Variants in SMAGP observed in about 807,000 individuals in gnomAD.
SMAGP encodes small cell transmembrane and glycosylated protein.
Under a neutral mutation model 10.1 loss-of-function variants are expected in SMAGP, and 7 were observed. The ratio of observed to expected loss-of-function variants is 0.70; its 90% CI spans 0.40 to 1.31. The LOEUF (loss-of-function observed/expected upper bound fraction) is 1.31, where lower values mean the gene tolerates loss of function less well. Among genes scored for constraint, SMAGP ranks in the 50% most tolerant of loss-of-function variants. The probability of loss-of-function intolerance (pLI) is 0.01; values close to 1 mark genes in which losing one functional copy is unlikely to be tolerated. For missense variants in SMAGP, 113 were observed against 116.5 expected, an observed-to-expected ratio of 0.97 and a Z score of 0.14; for synonymous variants, 49 against 47.2, an observed-to-expected ratio of 1.04 and a Z score of -0.16.
intron 2 of SMAGP, among the ~76,000 whole-genome samples, chr12:51,258,608 A>G (rs1339037505): frequency 6.6e-6 from 1 of 151,612 alleles, no homozygotes; most frequent in Non-Finnish European, 1.5e-5. Flanking sequence ...AAAAAAAGAA[A>G]GAAAAGAAAA....
chr12:51,250,308 G>A (rs1480624977), intron 2 of SMAGP, among the ~76,000 whole-genome samples: 1 of 152,010 alleles, frequency 6.6e-6, no homozygotes, highest in Non-Finnish European at 1.5e-5. Flanking sequence ...CTTGAGCCCA[G>A]GGGGTTAAGC....
chr12:51,244,999 A>T lies in SMAGP; in HGVS notation c.*942T>A, dbSNP rs2137074. On this transcript the variant is annotated 3_prime_UTR_variant, in exon 4 of 4. Transcript: ENST00000603798. ...GCCACCACGCCCAGCTATTTTTTTT[A>T]TATATTTTTAGTAGAGACGGGGTTT... 117,516 of 150,374 alleles carry T rather than the reference A, an allele frequency of 0.78. 45,979 individuals are homozygous for T. The highest frequency in any genetic ancestry group is 0.89 in the East Asian group (4,562 of 5,104). The allele number at this position is 150,374 out of a possible 1,614,324, so 9.3% of individuals were successfully genotyped here.
intron 2 of SMAGP, among the ~76,000 whole-genome samples, chr12:51,263,957 T>C (rs910304379): frequency 1.3e-5 from 2 of 152,114 alleles, no homozygotes; most frequent in Admixed American, 6.5e-5. Context: ...TATTATATTA[T>C]ATTCTTCCTT....
Position 51,252,747 on chromosome 12 carries a change from C to G in SMAGP, c.35-5916G>C, listed in dbSNP as rs76507332. ...CAAGAACAAAGAAAAAGCTAGGCTT[C>G]TTTGGGCCTGAGGGGTCAGGTTGGA... On this transcript the variant is annotated intron_variant, in intron 2 of 3. Coordinates refer to ENST00000603798, the MANE Select transcript of SMAGP (RefSeq NM_001031628.2). Among the ~76,000 whole-genome samples the G allele has an allele frequency of 0.013, 2,024 of 152,196 alleles. 82 individuals carry two copies. The East Asian group carries it at 0.14, about 11-fold the overall frequency.
chr12:51,262,551 G>A (rs1383775314), intron 2 of SMAGP, among the ~76,000 whole-genome samples: 1 of 152,010 alleles, frequency 6.6e-6, no homozygotes, highest in African/African-American at 2.4e-5. Flanking sequence ...AGGAGGAAAT[G>A]GCTTATAGCT....
intron 2 of SMAGP, among the ~76,000 whole-genome samples, chr12:51,250,745 T>C (rs1175947907): frequency 6.6e-6 from 1 of 152,178 alleles, no homozygotes; most frequent in Non-Finnish European, 1.5e-5. Context: ...TGGCTCACAA[T>C]GATTTCTGCC....
chr12:51,264,486 C>T (rs753241198), intron 2 of SMAGP, among the ~76,000 whole-genome samples: 70 of 152,158 alleles, frequency 4.6e-4, no homozygotes, highest in Middle Eastern at 6.8e-3. Context: ...ATTAGCTGGG[C>T]GTGATGGTGC....
intron 2 of SMAGP, among the ~76,000 whole-genome samples, chr12:51,264,421 C>T (rs1287641466): frequency 1.3e-5 from 2 of 151,990 alleles, no homozygotes; most frequent in African/African-American, 2.4e-5. Flanking sequence ...GGCTTCAGGC[C>T]GGGAGAGTTG....
chr12:51,248,399 T>TACACACACAC (rs71443213), intron 2 of SMAGP, among the ~76,000 whole-genome samples: 14 of 132,382 alleles, frequency 1.1e-4, no homozygotes, highest in African/African-American at 3.6e-4. Flanking sequence ...TGTGGTGTTT[T>TACACACACAC]ACACACACAC....
intron 2 of SMAGP, among the ~76,000 whole-genome samples, chr12:51,247,665 G>C (rs1455363977): frequency 6.6e-6 from 1 of 152,174 alleles, no homozygotes; most frequent in Non-Finnish European, 1.5e-5. Flanking sequence ...GCAGGATAGA[G>C]GTCTCCTGGG....
chr12:51,247,991 C>T (rs1292613127), intron 2 of SMAGP, among the ~76,000 whole-genome samples: 2 of 152,112 alleles, frequency 1.3e-5, no homozygotes, highest in Admixed American at 6.6e-5. Flanking sequence ...AAGAGTTTAC[C>T]GGGTAACAGG....
intron 2 of SMAGP, among the ~76,000 whole-genome samples, chr12:51,263,922 A>C (rs1288038208): frequency 6.6e-6 from 1 of 152,044 alleles, no homozygotes; most frequent in Non-Finnish European, 1.5e-5. Flanking sequence ...TATGCCATTC[A>C]ATTACTAATT....
intron 2 of SMAGP, among the ~76,000 whole-genome samples, chr12:51,267,602 T>TC (rs1944987695): frequency 6.6e-6 from 1 of 150,998 alleles, no homozygotes; most frequent in African/African-American, 2.4e-5. Flanking sequence ...CAAGGGATCC[T>TC]CCCACCTAAG....
At chr12:51,249,481 C>CCA (rs1254365223) in intron 2 of SMAGP, among the ~76,000 whole-genome samples, 1 of 152,134 alleles carries the variant, frequency 6.6e-6, no homozygotes, top group African/African-American at 2.4e-5. Context: ...AAGACACCCT[C>CCA]TTGGTGTCTG....
Position 51,252,180 on chromosome 12 carries a change from G to A in SMAGP, c.35-5349C>T, listed in dbSNP as rs1212867652. On this transcript the variant is annotated intron_variant, in intron 2 of 3. Transcript: ENST00000603798. Reference sequence around the variant, plus strand: ...GCGATGTTGGCTCACTGCAACCTCTGTCTCCCAGGTTCTAGCGATTCTCCT... The same window carrying A: ...GCGATGTTGGCTCACTGCAACCTCTATCTCCCAGGTTCTAGCGATTCTCCT... 2.0e-5 allele frequency among the ~76,000 whole-genome samples: 3 copies of A among 150,432 alleles called. No individual in the cohort carries two copies. The East Asian group carries it at 5.8e-4, about 29-fold the overall frequency.
intron 2 of SMAGP, among the ~76,000 whole-genome samples, chr12:51,256,748 A>AC (rs1944888677): frequency 6.9e-6 from 1 of 145,150 alleles, no homozygotes; most frequent in African/African-American, 2.5e-5. Context: ...AAACAAAAAA[A>AC]ACACAAACAA....
At chr12:51,267,396 C>A (rs965001508) in intron 2 of SMAGP, among the ~76,000 whole-genome samples, 12 of 152,156 alleles carry the variant, frequency 7.9e-5, no homozygotes, top group Admixed American at 5.2e-4. Flanking sequence ...CTGTATGAAC[C>A]TTGTCCGTCT....
chr12:51,257,718 C>T (rs553023047), intron 2 of SMAGP, among the ~76,000 whole-genome samples: 32 of 152,144 alleles, frequency 2.1e-4, no homozygotes, highest in African/African-American at 7.2e-4. Flanking sequence ...CTAATTTTTG[C>T]ATTTTTAGTA....
At chr12:51,269,122 T>C (rs1347480734) in intron 2 of SMAGP, 123 bp downstream of exon 2, 2 of 1,042,780 alleles carry the variant, frequency 1.9e-6, no homozygotes, top group Non-Finnish European at 3.0e-6. Flanking sequence ...AGGCCCTTCC[T>C]GTGTGAGGCA....
Sources: allele counts gnomAD v4.1 joint callset (sites outside exome capture counted in the v4.1 genomes callset), GRCh38; gene constraint gnomAD v4.1.1; transcripts MANE v1.5; gene names NCBI Gene and HGNC (gene_info 2026-07-23, HGNC 2026-07-21).